Variants in FRMD4A observed in about 807,000 individuals in gnomAD.
FRMD4A encodes FERM domain containing 4A, also known as FERM domain-containing protein 4A.
A neutral mutation model predicts 129.1 loss-of-function variants in FRMD4A; 29 were observed. The ratio of observed to expected loss-of-function variants is 0.22; its 90% CI spans 0.17 to 0.31. FRMD4A has a LOEUF of 0.31. Among genes scored for constraint, FRMD4A ranks in the 10% least tolerant of loss-of-function variants. The pLI is 1.00. For synonymous variants in FRMD4A, 634 were observed against 571.6 expected (o/e 1.11, Z -1.56); for missense variants, 1,272 against 1,375.8 (o/e 0.92, Z 1.19).
At chr10:13,846,917 G>C (rs1232342043) in intron 3 of FRMD4A, among the ~76,000 whole-genome samples, 1 of 152,234 alleles carries the variant, frequency 6.6e-6, no homozygotes, top group African/African-American at 2.4e-5. Flanking sequence ...GCAAGGAGCT[G>C]CTCTGGTGAC....
chr10:13,788,210 G>C (rs946460777), intron 5 of FRMD4A, among the ~76,000 whole-genome samples: 1 of 152,012 alleles, frequency 6.6e-6, no homozygotes, highest in East Asian at 1.9e-4. Flanking sequence ...TGGATCCAGG[G>C]TCCACCCCTC....
At chr10:13,769,656 T>A (rs554346684) in intron 6 of FRMD4A, among the ~76,000 whole-genome samples, 1 of 152,096 alleles carries the variant, frequency 6.6e-6, no homozygotes, top group African/African-American at 2.4e-5. Context: ...TACGAGGGTG[T>A]TTCTGGATGA....
At chr10:14,026,651 TG>T (rs1832999398) in intron 2 of FRMD4A, among the ~76,000 whole-genome samples, 1 of 152,250 alleles carries the variant, frequency 6.6e-6, no homozygotes, top group Non-Finnish European at 1.5e-5. Flanking sequence ...TAGGGGCTCA[TG>T]GTTTTGCCAT....
At chr10:14,294,771 A>G (rs1023029216) in intron 2 of FRMD4A, among the ~76,000 whole-genome samples, 9 of 152,246 alleles carry the variant, frequency 5.9e-5, no homozygotes, top group Non-Finnish European at 1.2e-4. Context: ...CACGAGCTTT[A>G]TTAAATATCA....
At chr10:14,113,114 T>A (rs1429260276) in intron 2 of FRMD4A, among the ~76,000 whole-genome samples, 1 of 152,226 alleles carries the variant, frequency 6.6e-6, no homozygotes, top group Non-Finnish European at 1.5e-5. Context: ...CTGCCTGGTG[T>A]GCTGATTTTC....
intron 2 of FRMD4A, among the ~76,000 whole-genome samples, chr10:14,128,402 C>A (rs1328441611): frequency 6.6e-6 from 1 of 152,156 alleles, no homozygotes; most frequent in Non-Finnish European, 1.5e-5. Context: ...CCCCGCCCAG[C>A]ATATTTTGCT....
chr10:13,807,316 A>C (rs1056891726), intron 4 of FRMD4A, among the ~76,000 whole-genome samples: 1 of 152,216 alleles, frequency 6.6e-6, no homozygotes, highest in African/African-American at 2.4e-5. Flanking sequence ...GAGCACTCGT[A>C]AAAAATTGGG....
intron 3 of FRMD4A, among the ~76,000 whole-genome samples, chr10:13,835,713 G>T (rs562876130): frequency 3.0e-4 from 45 of 152,224 alleles, no homozygotes; most frequent in Admixed American, 2.7e-3. Context: ...AAGAAAATAA[G>T]TTCAGGGCTC....
intron 2 of FRMD4A, among the ~76,000 whole-genome samples, chr10:14,150,641 A>C (rs374959148): frequency 6.6e-6 from 1 of 152,120 alleles, no homozygotes. Flanking sequence ...AGGCTCTGCC[A>C]GTGATTTATT....
chr10:13,825,429 C>G (rs1265224957), intron 3 of FRMD4A, among the ~76,000 whole-genome samples: 1 of 152,174 alleles, frequency 6.6e-6, no homozygotes, highest in East Asian at 1.9e-4. Context: ...ACCTAAGCAG[C>G]AGTATTAGAT....
At chr10:14,136,890 C>T (rs1452037283) in intron 2 of FRMD4A, among the ~76,000 whole-genome samples, 1 of 152,194 alleles carries the variant, frequency 6.6e-6, no homozygotes, top group Non-Finnish European at 1.5e-5. Context: ...TGAGACCTGT[C>T]TCAAATACTT....
At chr10:13,926,277 C>T (rs1285904121) in intron 2 of FRMD4A, among the ~76,000 whole-genome samples, 1 of 152,182 alleles carries the variant, frequency 6.6e-6, no homozygotes, top group African/African-American at 2.4e-5. Context: ...AAAATCTCAT[C>T]ACTGGGGTTA....
intron 2 of FRMD4A, among the ~76,000 whole-genome samples, chr10:14,222,783 T>C (rs1000874395): frequency 1.9e-4 from 29 of 152,118 alleles, no homozygotes; most frequent in African/African-American, 6.5e-4. Context: ...GCTTTGGTGA[T>C]TGCAACAGGC....
At chr10:14,124,338 C>T (rs963426207) in intron 2 of FRMD4A, among the ~76,000 whole-genome samples, 78 of 152,288 alleles carry the variant, frequency 5.1e-4, no homozygotes, top group African/African-American at 1.9e-3. Flanking sequence ...TGCAGGATAC[C>T]TGCTATTACC....
chr10:14,195,304 G>T (rs990086956), intron 2 of FRMD4A, among the ~76,000 whole-genome samples: 2 of 152,072 alleles, frequency 1.3e-5, no homozygotes, highest in Admixed American at 1.3e-4. Context: ...CGAAGCTCCA[G>T]AATCTGTTTT....
At chr10:13,786,596 A>T (rs1427504217) in intron 5 of FRMD4A, among the ~76,000 whole-genome samples, 2 of 152,158 alleles carry the variant, frequency 1.3e-5, no homozygotes, top group Non-Finnish European at 2.9e-5. Flanking sequence ...ACAAAAGCGA[A>T]ACTCCGTCTC....
chr10:13,721,590 C>T (rs944794881), intron 12 of FRMD4A, among the ~76,000 whole-genome samples: 14 of 152,166 alleles, frequency 9.2e-5, no homozygotes, highest in Non-Finnish European at 1.5e-4. Context: ...AAAAGCTCCC[C>T]GACCCTTGTC....
chr10:14,267,237 G>A (rs1223746378), intron 2 of FRMD4A, among the ~76,000 whole-genome samples: 2 of 152,148 alleles, frequency 1.3e-5, no homozygotes, highest in African/African-American at 4.8e-5. Flanking sequence ...GACACATGAC[G>A]CTCTGTGTGT....
chr10:14,105,961 T>C (rs1488445692), intron 2 of FRMD4A, among the ~76,000 whole-genome samples: 6 of 152,240 alleles, frequency 3.9e-5, no homozygotes, highest in Non-Finnish European at 8.8e-5. Context: ...TGGTTTGCTC[T>C]CTTTTTGTGA....
Sources: gnomAD v4.1 joint callset for allele counts (sites outside exome capture counted in the v4.1 genomes callset) on GRCh38, gnomAD v4.1.1 for gene constraint, MANE v1.5 for transcripts, NCBI Gene and HGNC (gene_info 2026-07-23, HGNC 2026-07-21) for gene names.